Variants in TRIM24 observed in about 807,000 individuals in gnomAD.
The protein encoded by TRIM24 is transcription intermediary factor 1-alpha.
Under a neutral mutation model 123.9 loss-of-function variants are expected in TRIM24, and 29 were observed. The observed-to-expected ratio is 0.23, with a 90% confidence interval of 0.17 to 0.32. The LOEUF (loss-of-function observed/expected upper bound fraction) is 0.32, where lower values mean the gene tolerates loss of function less well. Among genes scored for constraint, TRIM24 ranks in the 10% least tolerant of loss-of-function variants. The pLI, the probability that TRIM24 is intolerant of heterozygous loss-of-function variation, is 1.00. For synonymous variants in TRIM24, 456 were observed against 461.1 expected, an observed-to-expected ratio of 0.99 and a Z score of 0.14; for missense variants, 932 against 1,295.3, an observed-to-expected ratio of 0.72 and a Z score of 4.31.
rs373424402 is a variant in TRIM24 at position 138,536,598 on chromosome 7, C to T, written c.997-2059C>T. On this transcript the variant is annotated intron_variant, in intron 6 of 18. Coordinates refer to ENST00000343526, the MANE Select transcript of TRIM24 (RefSeq NM_015905.3). ...GGAAGCTTTGTCCCAGAGGGGTACCCGGCTGTGTGAGGTGTCAGTCTGCCC... is the reference window on the plus strand; with the variant it reads ...GGAAGCTTTGTCCCAGAGGGGTACCTGGCTGTGTGAGGTGTCAGTCTGCCC... Among the ~76,000 whole-genome samples, 6 of 152,178 alleles carry T rather than the reference C, an allele frequency of 3.9e-5. No homozygotes were observed. In the South Asian group the frequency reaches 6.2e-4, roughly 16 times the overall value.
intron 2 of TRIM24, among the ~76,000 whole-genome samples, chr7:138,513,844 A>G (rs1360333344): frequency 6.6e-6 from 1 of 152,246 alleles, no homozygotes; most frequent in Non-Finnish European, 1.5e-5. Flanking sequence ...TGGTGTAAAT[A>G]GAAATTACTT....
chr7:138,479,725 C>T (rs888634223), intron 1 of TRIM24, among the ~76,000 whole-genome samples: 5 of 151,590 alleles, frequency 3.3e-5, no homozygotes, highest in African/African-American at 1.2e-4. Context: ...TCAGGCTGGT[C>T]TCGAACTCCC....
At chr7:138,493,318 A>C (rs1315143490) in intron 1 of TRIM24, among the ~76,000 whole-genome samples, 1 of 152,230 alleles carries the variant, frequency 6.6e-6, no homozygotes, top group South Asian at 2.1e-4. Flanking sequence ...GTTTGTTGAG[A>C]ACCAAACAAT....
intron 6 of TRIM24, among the ~76,000 whole-genome samples, chr7:138,531,253 A>G (rs73465627): frequency 8.6e-5 from 13 of 151,702 alleles, no homozygotes; most frequent in Admixed American, 2.0e-4. Flanking sequence ...TACATGTTAC[A>G]TATGTTACAT....
chr7:138,554,911 G>C lies in TRIM24; in HGVS notation c.1475G>C (p.Gly492Ala). Residue 492 changes from glycine (G) to alanine (A), a missense_variant, in exon 9 of 19, where the codon GGT becomes GCT. Around this residue, in one of 7 missense-constraint regions of TRIM24, gnomAD observed 527 missense variants for 691.3 expected, o/e 0.76. Coordinates refer to ENST00000343526, the MANE Select transcript of TRIM24 (RefSeq NM_015905.3). This position sits in a 1 kb window ranked among gnomAD's most constrained non-coding sequence, Gnocchi z 4.5. ...QQVQRRPAPV[G>A]LPNPRMQGPI... ...GTGCAACGGAGGCCAGCACCTGTGG[G>C]TTTACCAAACCCTAGAATGCAGGGG... is the stretch of plus-strand genomic sequence containing the variant. 6.2e-7 allele frequency: 1 copy of C among 1,614,146 alleles called. No homozygotes were observed. The highest frequency in any genetic ancestry group is 8.5e-7 in the Non-Finnish European group (1 of 1,180,004).
chr7:138,519,566 C>T (rs992204851), intron 4 of TRIM24, among the ~76,000 whole-genome samples: 1 of 152,132 alleles, frequency 6.6e-6, no homozygotes, highest in Non-Finnish European at 1.5e-5. Flanking sequence ...CAACTAGTTA[C>T]CAGTAGCAAC....
At chr7:138,468,964 A>T (rs1373005461) in intron 1 of TRIM24, among the ~76,000 whole-genome samples, 1 of 152,208 alleles carries the variant, frequency 6.6e-6, no homozygotes, top group Non-Finnish European at 1.5e-5. Context: ...TCAGTTAGGG[A>T]ATCAAGATTT....
intron 1 of TRIM24, among the ~76,000 whole-genome samples, chr7:138,473,010 T>G (rs1426268807): frequency 6.6e-6 from 1 of 152,240 alleles, no homozygotes; most frequent in Non-Finnish European, 1.5e-5. Flanking sequence ...CTGGGTGCGT[T>G]GGCTCATGCC....
At chr7:138,486,026 G>A (rs988425692) in intron 1 of TRIM24, among the ~76,000 whole-genome samples, 18 of 152,130 alleles carry the variant, frequency 1.2e-4, no homozygotes, top group African/African-American at 3.4e-4. Context: ...TTTAATGATC[G>A]CCATTCTAAC....
At chr7:138,486,921 C>A (rs1795660922) in intron 1 of TRIM24, among the ~76,000 whole-genome samples, 1 of 152,146 alleles carries the variant, frequency 6.6e-6, no homozygotes, top group South Asian at 2.1e-4. Flanking sequence ...CTATAAACTA[C>A]CTTGGGCAGT....
intron 1 of TRIM24, among the ~76,000 whole-genome samples, chr7:138,462,422 G>A (rs1434054025): frequency 1.4e-5 from 2 of 146,996 alleles, no homozygotes; most frequent in Non-Finnish European, 3.0e-5. Flanking sequence ...CTCACTGCAA[G>A]CTCCGCCTCC....
intron 1 of TRIM24, among the ~76,000 whole-genome samples, chr7:138,499,686 G>T (rs1195272964): frequency 7.2e-5 from 11 of 152,144 alleles, no homozygotes; most frequent in Non-Finnish European, 1.6e-4. Context: ...TTCATTCCCA[G>T]CATGTTATAC....
At chr7:138,464,176 T>G (rs962759337) in intron 1 of TRIM24, among the ~76,000 whole-genome samples, 1 of 151,522 alleles carries the variant, frequency 6.6e-6, no homozygotes, top group Non-Finnish European at 1.5e-5. Flanking sequence ...TTTATATTTT[T>G]TAGTAGAGAC....
At chr7:138,505,509 G>GGTTGTTGTTGTTGTT (rs59585473) in intron 2 of TRIM24, among the ~76,000 whole-genome samples, 4 of 143,820 alleles carry the variant, frequency 2.8e-5, no homozygotes, top group Non-Finnish European at 6.0e-5. Flanking sequence ...TGGGGGTGGT[G>GGTTGTTGTTGTTGTT]GTTGTTGTTG....
At chr7:138,500,766 A>G (rs1254759117) in intron 1 of TRIM24, among the ~76,000 whole-genome samples, 4 of 151,882 alleles carry the variant, frequency 2.6e-5, no homozygotes, top group South Asian at 2.1e-4. Flanking sequence ...ATTTTGTTGT[A>G]TAAGTATGAT....
chr7:138,500,734 G>T (rs116443497), intron 1 of TRIM24, among the ~76,000 whole-genome samples: 1,965 of 151,846 alleles, frequency 0.013, 35 homozygotes, highest in African/African-American at 0.044. Context: ...AATTATCCAG[G>T]CATGGTGGTG....
intron 7 of TRIM24, among the ~76,000 whole-genome samples, chr7:138,547,183 C>T (rs1487071839): frequency 1.3e-5 from 2 of 152,116 alleles, no homozygotes; most frequent in South Asian, 2.1e-4. Flanking sequence ...CTCACTTATA[C>T]GTGGAAAAAA....
At position 138,554,451 on chromosome 7, in the gene TRIM24, T is replaced by C. The variant is rs1462348892; in HGVS notation, c.1262-247T>C. Among the ~76,000 whole-genome samples, 2 of 152,214 alleles carry C rather than the reference T, an allele frequency of 1.3e-5. No individual in the cohort carries two copies. Among genetic ancestry groups the C allele is most frequent in the South Asian group, 2.1e-4 (1 of 4,834 alleles). The stretch of plus-strand genomic sequence containing the variant: ...ATAGTTTTATAAAAGCATGTTGTTA[T>C]GGTTTTATTCTTAAATGAATTAGAA... On this transcript the variant is annotated intron_variant, in intron 8 of 18. Coordinates refer to ENST00000343526, the MANE Select transcript of TRIM24 (RefSeq NM_015905.3). The surrounding 1 kb of genome is among the most constrained non-coding windows in gnomAD (Gnocchi z 4.5).
At chr7:138,511,510 G>A (rs573781456) in intron 2 of TRIM24, among the ~76,000 whole-genome samples, 2 of 152,008 alleles carry the variant, frequency 1.3e-5, no homozygotes, top group African/African-American at 2.4e-5. Context: ...AGCTGGTCTC[G>A]AACTCCTGAC....
Sources: allele counts gnomAD v4.1 joint callset (sites outside exome capture counted in the v4.1 genomes callset), GRCh38; gene constraint gnomAD v4.1.1; regional missense constraint gnomAD v4.1.1; non-coding constraint Gnocchi (gnomAD v3.1); transcripts MANE v1.5; gene names NCBI Gene and HGNC (gene_info 2026-07-23, HGNC 2026-07-21).